The following NAALADL2 variants were observed in gnomAD, a reference collection of about 807,000 sequenced individuals.
NAALADL2 encodes the protein N-acetylated alpha-linked acidic dipeptidase like 2.
In NAALADL2, 76 loss-of-function variants were observed where a neutral mutation model predicts 87.2. The observed-to-expected ratio is 0.87, with a 90% CI of 0.72 to 1.05. NAALADL2 has a LOEUF of 1.05. Ranked by LOEUF, NAALADL2 falls within the 50% of genes least tolerant of loss-of-function variation. NAALADL2 has a pLI of 0.00. For synonymous variants in NAALADL2, 354 were observed against 331.0 expected (o/e 1.07, Z -0.75); for missense variants, 1,089 against 945.8 (o/e 1.15, Z -1.99).
chr3:175,743,645 G>A lies in NAALADL2; in HGVS notation c.1990+6246G>A, dbSNP rs562806123. ...TGGGGTTGGAATAAAGTGAGGTTAC[G>A]AAAGGAGTGAAGGGTAGTGAAAAGG... On this transcript the variant is annotated intron_variant, in intron 12 of 13. Coordinates refer to ENST00000454872, the MANE Select transcript of NAALADL2 (RefSeq NM_207015.3). Among the ~76,000 whole-genome samples the A allele has an allele frequency of 2.6e-4, 39 of 152,356 alleles. No homozygotes were observed. The South Asian group carries it at 6.4e-3, about 25-fold the overall frequency.
Position 175,051,886 on chromosome 3 carries a change from G to A in NAALADL2, c.44-44904G>A, listed in dbSNP as rs376210092. The stretch of plus-strand genomic sequence containing the variant: ...TGAACACATAAAGAGGAAGCCTAAC[G>A]AAAGCAGAAGAGGCATTTGCCGAGA... On this transcript the variant is annotated intron_variant, in intron 1 of 13. Transcript: ENST00000454872. Among the ~76,000 whole-genome samples, 8 of 152,148 alleles carry A rather than the reference G, an allele frequency of 5.3e-5. No individual in the cohort carries two copies. In the East Asian group the frequency reaches 5.8e-4, roughly 11 times the overall value.
intron 2 of NAALADL2, among the ~76,000 whole-genome samples, chr3:174,657,506 A>G (rs562352164): frequency 6.6e-6 from 1 of 152,224 alleles, no homozygotes; most frequent in South Asian, 2.1e-4. Context: ...TGTTCGCAGA[A>G]AACTTGAGAG....
intron 10 of NAALADL2, among the ~76,000 whole-genome samples, chr3:175,592,011 C>A (rs1560815328): frequency 6.6e-6 from 1 of 151,962 alleles, no homozygotes; most frequent in African/African-American, 2.4e-5. Flanking sequence ...GCAGGTCTTA[C>A]AAGTCTGCAA....
Position 175,810,371 on chromosome 3 carries a change from T to C in NAALADL2, c.*7168T>C, listed in dbSNP as rs1299453451. 6.6e-6 allele frequency: 1 copy of C among 152,064 alleles called. No individual in the cohort carries two copies. The highest frequency in any genetic ancestry group is 1.5e-5 in the Non-Finnish European group (1 of 67,974). 9.4% of individuals were successfully genotyped at this position (152,064 alleles called of 1,614,324 possible). A position where few individuals can be genotyped will look rare whatever the true frequency, so the allele number is the denominator to read the frequency against. On this transcript the variant is annotated 3_prime_UTR_variant, in exon 14 of 14. Transcript: ENST00000454872. ...TGAGATACCACATCCATTAAAAATA[T>C]AAGTGAATATTTTATATTTAAGTTG...
intron 9 of NAALADL2, among the ~76,000 whole-genome samples, chr3:175,477,765 G>T (rs1256194316): frequency 1.3e-5 from 2 of 151,472 alleles, no homozygotes; most frequent in Non-Finnish European, 2.9e-5. Flanking sequence ...GGGTTTGGAT[G>T]GCATTACTGC....
chr3:174,829,967 G>A (rs1722470331), intron 3 of NAALADL2, among the ~76,000 whole-genome samples: 1 of 131,886 alleles, frequency 7.6e-6, no homozygotes, highest in African/African-American at 3.0e-5. Context: ...GGGGTTGTTT[G>A]TTTTTTTCTT....
chr3:175,295,702 G>C (rs969830523), intron 4 of NAALADL2, among the ~76,000 whole-genome samples: 2 of 133,846 alleles, frequency 1.5e-5, no homozygotes, highest in Non-Finnish European at 3.2e-5. Flanking sequence ...AAAATCTTTT[G>C]ATACACATGC....
intron 2 of NAALADL2, among the ~76,000 whole-genome samples, chr3:174,605,228 C>T (rs930645075): frequency 5.9e-5 from 9 of 152,182 alleles, no homozygotes; most frequent in East Asian, 1.9e-4. Context: ...CAGCTCCCAG[C>T]GTGAGCAACG....
At chr3:174,950,147 A>G (rs1298522096) in intron 1 of NAALADL2, among the ~76,000 whole-genome samples, 1 of 152,108 alleles carries the variant, frequency 6.6e-6, no homozygotes, top group Non-Finnish European at 1.5e-5. Flanking sequence ...AATATCTACT[A>G]TCTGTCCCTT....
chr3:174,607,027 A>G (rs1719158245), intron 2 of NAALADL2, among the ~76,000 whole-genome samples: 1 of 152,202 alleles, frequency 6.6e-6, no homozygotes, highest in African/African-American at 2.4e-5. Flanking sequence ...TTCTTAAAGA[A>G]AAGAATTTTC....
intron 11 of NAALADL2, chr3:175,718,737 G>A: frequency 1.8e-6 from 2 of 1,130,618 alleles, no homozygotes; most frequent in East Asian, 2.4e-5. Context: ...ACCAACCTGG[G>A]CAACATAGCA....
At chr3:175,151,023 T>C (rs575674461) in intron 2 of NAALADL2, among the ~76,000 whole-genome samples, 1 of 152,108 alleles carries the variant, frequency 6.6e-6, no homozygotes, top group African/African-American at 2.4e-5. Context: ...CTGGATGGAA[T>C]TGAAATTCAA....
In NAALADL2 at chr3:175,798,863, TATC is replaced by T. The variant is rs763288646; in HGVS notation, c.2190-4139_2190-4137del. ...TGAGCATATTTTATTAATAACATCT[TATC>T]ATTAAATTGAATATGGATATTTAAC... On this transcript the variant is annotated intron_variant, in intron 13 of 13. Transcript: ENST00000454872. Among the ~76,000 whole-genome samples, 13 of 149,150 alleles carry T rather than the reference TATC, an allele frequency of 8.7e-5. No individual in the cohort carries two copies. In the East Asian group the frequency reaches 1.2e-3, roughly 13 times the overall value.
intron 3 of NAALADL2, among the ~76,000 whole-genome samples, chr3:175,246,073 T>C (rs2902104): frequency 0.8 from 121,734 of 152,078 alleles, 48,762 homozygotes; most frequent in East Asian, 0.88. Context: ...TGAGTGAACC[T>C]AAAACAGAAG....
At chr3:175,106,267 A>T (rs1388569668) in intron 2 of NAALADL2, among the ~76,000 whole-genome samples, 2 of 152,000 alleles carry the variant, frequency 1.3e-5, no homozygotes, top group Non-Finnish European at 1.5e-5. Context: ...GGAACCATTA[A>T]TTTTTCTAAT....
At chr3:175,555,292 G>T (rs1022930041) in intron 9 of NAALADL2, among the ~76,000 whole-genome samples, 3 of 152,158 alleles carry the variant, frequency 2.0e-5, no homozygotes, top group Non-Finnish European at 2.9e-5. Flanking sequence ...TATCAGAAAA[G>T]AATCTTCTAA....
At chr3:175,449,620 C>T (rs540124411) in intron 6 of NAALADL2, among the ~76,000 whole-genome samples, 23 of 152,134 alleles carry the variant, frequency 1.5e-4, no homozygotes, top group African/African-American at 5.5e-4. Flanking sequence ...GTCTCGATTT[C>T]CTGACCTCGT....
chr3:175,356,654 A>C (rs1361972606), intron 5 of NAALADL2, among the ~76,000 whole-genome samples: 1 of 151,398 alleles, frequency 6.6e-6, no homozygotes, highest in Non-Finnish European at 1.5e-5. Flanking sequence ...TGAAGAGAGA[A>C]ACATAAGGAG....
chr3:175,012,232 T>C (rs1045567902), intron 1 of NAALADL2, among the ~76,000 whole-genome samples: 1 of 152,228 alleles, frequency 6.6e-6, no homozygotes, highest in African/African-American at 2.4e-5. Context: ...TGGCCCAGTC[T>C]GGGCTCACTG....
Sources: gnomAD v4.1 joint callset for allele counts (sites outside exome capture counted in the v4.1 genomes callset) on GRCh38, gnomAD v4.1.1 for gene constraint, MANE v1.5 for transcripts, NCBI Gene and HGNC (gene_info 2026-07-23, HGNC 2026-07-21) for gene names.